Variants in ARB2A observed in about 807,000 individuals in gnomAD.
The protein encoded by ARB2A is ARB2 cotranscriptional regulator A.
the ARB2A span, among the ~76,000 whole-genome samples, chr5:93,867,883 T>A: frequency 6.6e-6 from 1 of 152,166 alleles, no homozygotes; most frequent in Non-Finnish European, 1.5e-5. Flanking sequence ...TCTTCTCATA[T>A]TAAATTAATG....
chr5:93,772,842 C>T, the ARB2A span, among the ~76,000 whole-genome samples: 3 of 152,178 alleles, frequency 2.0e-5, no homozygotes, highest in East Asian at 1.9e-4. Context: ...TCACAGTGAG[C>T]AAGCTAGAGG....
chr5:94,050,252 CTTT>C, the ARB2A span, among the ~76,000 whole-genome samples: 1 of 132,588 alleles, frequency 7.5e-6, no homozygotes, highest in Non-Finnish European at 1.6e-5. Context: ...AAAACAGAAA[CTTT>C]TTTTTTTTTT....
At chr5:93,832,133 G>A in the ARB2A span, among the ~76,000 whole-genome samples, 1 of 152,100 alleles carries the variant, frequency 6.6e-6, no homozygotes, top group African/African-American at 2.4e-5. Flanking sequence ...ACTTTTTAGT[G>A]GGAGCCTTGC....
At chr5:93,720,918 T>C in the ARB2A span, among the ~76,000 whole-genome samples, 1 of 152,180 alleles carries the variant, frequency 6.6e-6, no homozygotes, top group East Asian at 1.9e-4. Context: ...AACTGGTAGG[T>C]GTATACCCAC....
the ARB2A span, among the ~76,000 whole-genome samples, chr5:93,857,641 G>A: frequency 6.6e-6 from 1 of 152,212 alleles, no homozygotes; most frequent in East Asian, 1.9e-4. Flanking sequence ...CGTCGGAAAA[G>A]TGCAGTATTA....
At chr5:93,620,232 GGTTTT>G in the ARB2A span, 11 of 152,216 alleles carry the variant, frequency 7.2e-5, no homozygotes, top group East Asian at 2.1e-3. Context: ...TCATTGTTTT[GGTTTT>G]AACAGTCTCT....
At chr5:93,876,115 A>T in the ARB2A span, among the ~76,000 whole-genome samples, 11 of 152,316 alleles carry the variant, frequency 7.2e-5, no homozygotes, top group African/African-American at 2.6e-4. Flanking sequence ...ACAAAAATAA[A>T]ATGTTTTTGT....
the ARB2A span, among the ~76,000 whole-genome samples, chr5:93,779,733 A>G: frequency 6.6e-6 from 1 of 152,190 alleles, no homozygotes; most frequent in Non-Finnish European, 1.5e-5. Flanking sequence ...AAAAGAGAAA[A>G]ATAGGTAATG....
At chr5:94,095,853 T>G in the ARB2A span, among the ~76,000 whole-genome samples, 15 of 151,862 alleles carry the variant, frequency 9.9e-5, no homozygotes, top group Admixed American at 3.9e-4. Context: ...TGAGAATCTG[T>G]TTTTTTTCCC....
At chr5:93,795,501 G>A in the ARB2A span, among the ~76,000 whole-genome samples, 1 of 152,140 alleles carries the variant, frequency 6.6e-6, no homozygotes. Flanking sequence ...TGTTCCTGTG[G>A]TAGTTCTTGG....
the ARB2A span, among the ~76,000 whole-genome samples, chr5:93,822,653 T>C: frequency 6.6e-6 from 1 of 151,986 alleles, no homozygotes; most frequent in Non-Finnish European, 1.5e-5. Context: ...TATATAGCTA[T>C]ATATTTATAT....
chr5:93,844,490 A>G, the ARB2A span, among the ~76,000 whole-genome samples: 1 of 152,280 alleles, frequency 6.6e-6, no homozygotes, highest in South Asian at 2.1e-4. Context: ...TTAGAATTCT[A>G]TACCCAGCCA....
At chr5:93,697,170 A>T in the ARB2A span, among the ~76,000 whole-genome samples, 1 of 150,766 alleles carries the variant, frequency 6.6e-6, no homozygotes, top group African/African-American at 2.4e-5. Flanking sequence ...TTTAGTGTTT[A>T]CTTATCTTCC....
chr5:94,016,266 A>G, the ARB2A span, among the ~76,000 whole-genome samples: 1 of 152,204 alleles, frequency 6.6e-6, no homozygotes, highest in African/African-American at 2.4e-5. Flanking sequence ...CTGGGGGTAT[A>G]GTGTTAAGAA....
At chr5:93,996,071 AT>A in the ARB2A span, among the ~76,000 whole-genome samples, 21 of 148,808 alleles carry the variant, frequency 1.4e-4, no homozygotes, top group African/African-American at 2.0e-4. Context: ...CTATAGGAAC[AT>A]TTTTTTTTTG....
the ARB2A span, among the ~76,000 whole-genome samples, chr5:93,988,343 C>A: frequency 6.6e-6 from 1 of 152,170 alleles, no homozygotes; most frequent in Non-Finnish European, 1.5e-5. Context: ...ATCTATTTCT[C>A]ATATTTAATC....
chr5:93,913,161 T>G, the ARB2A span, among the ~76,000 whole-genome samples: 1 of 151,838 alleles, frequency 6.6e-6, no homozygotes, highest in Non-Finnish European at 1.5e-5. Flanking sequence ...TTGCTCTGAT[T>G]CCCCACACTT....
At chr5:94,022,373 T>G in the ARB2A span, among the ~76,000 whole-genome samples, 3 of 152,210 alleles carry the variant, frequency 2.0e-5, no homozygotes, top group Non-Finnish European at 4.4e-5. Flanking sequence ...AATGGCAACA[T>G]GAACAGTCCA....
chr5:93,967,169 G>T, the ARB2A span, among the ~76,000 whole-genome samples: 1 of 152,090 alleles, frequency 6.6e-6, no homozygotes, highest in African/African-American at 2.4e-5. Flanking sequence ...GATGAAAAAA[G>T]TATTTCTTTC....
Sources: allele counts gnomAD v4.1 joint callset (sites outside exome capture counted in the v4.1 genomes callset), GRCh38; gene constraint gnomAD v4.1.1; transcripts MANE v1.5; gene names NCBI Gene and HGNC (gene_info 2026-07-23, HGNC 2026-07-21).